Variants in XRRA1 observed in about 807,000 individuals in gnomAD.
The protein encoded by XRRA1 is X-ray radiation resistance-associated protein 1.
In XRRA1, 69 loss-of-function variants were observed where a neutral mutation model predicts 80.2. The ratio of observed to expected loss-of-function variants is 0.86; its 90% CI spans 0.71 to 1.05. The LOEUF is 1.05. Ranked by LOEUF, XRRA1 falls within the 50% of genes least tolerant of loss-of-function variation. The probability of loss-of-function intolerance (pLI) is 0.00; values close to 1 mark genes in which losing one functional copy is unlikely to be tolerated. For missense variants in XRRA1, 967 were observed against 976.4 expected (o/e 0.99, Z 0.13); for synonymous variants, 348 against 389.9 (o/e 0.89, Z 1.27).
At chr11:74,859,591 C>T (rs1565250464) in intron 11 of XRRA1, among the ~76,000 whole-genome samples, 1 of 152,224 alleles carries the variant, frequency 6.6e-6, no homozygotes, top group East Asian at 1.9e-4. Context: ...TGGTCCCCAC[C>T]CCCTCCCTCT....
chr11:74,906,972 A>C, intron 9 of XRRA1, 173 bp downstream of exon 9: 1 of 802,058 alleles, frequency 1.2e-6, no homozygotes, highest in South Asian at 2.0e-5. Context: ...GGCCATTTTT[A>C]TGGAGGAGCC....
chr11:74,946,437 T>C (rs1249447878), intron 1 of XRRA1, among the ~76,000 whole-genome samples: 2 of 152,226 alleles, frequency 1.3e-5, no homozygotes, highest in African/African-American at 4.8e-5. Context: ...CTGATGGTTT[T>C]ATAACTGACA....
At chr11:74,887,950 G>A (rs559327968) in intron 10 of XRRA1, among the ~76,000 whole-genome samples, 44 of 152,240 alleles carry the variant, frequency 2.9e-4, no homozygotes, top group African/African-American at 8.7e-4. Context: ...AGAGCCCGCC[G>A]CAACTCAAGG....
At chr11:74,882,358 C>T (rs1291256515) in intron 10 of XRRA1, among the ~76,000 whole-genome samples, 1 of 150,920 alleles carries the variant, frequency 6.6e-6, no homozygotes, top group Non-Finnish European at 1.5e-5. Context: ...TTTTCAGCTC[C>T]ATCAGCTCCT....
At chr11:74,941,825 T>C (rs1380033545) in intron 2 of XRRA1, among the ~76,000 whole-genome samples, 1 of 150,382 alleles carries the variant, frequency 6.6e-6, no homozygotes, top group South Asian at 2.1e-4. Context: ...AAAAGAAGGA[T>C]GGACAGAAAA....
intron 4 of XRRA1, among the ~76,000 whole-genome samples, chr11:74,935,415 A>C (rs1460886808): frequency 6.6e-6 from 1 of 152,208 alleles, no homozygotes; most frequent in Admixed American, 6.5e-5. Context: ...TTTTATGTGA[A>C]ATAAAAGCAT....
At chr11:74,889,958 T>C (rs1023471832) in intron 10 of XRRA1, among the ~76,000 whole-genome samples, 15 of 152,144 alleles carry the variant, frequency 9.9e-5, no homozygotes, top group Non-Finnish European at 1.5e-4. Flanking sequence ...AATGGGAGAC[T>C]TTAACACCCC....
chr11:74,880,331 T>C (rs1272793397), intron 10 of XRRA1, among the ~76,000 whole-genome samples: 5 of 152,244 alleles, frequency 3.3e-5, no homozygotes, highest in Admixed American at 1.3e-4. Flanking sequence ...TCATTTTTTA[T>C]TGCATCTATT....
intron 2 of XRRA1, among the ~76,000 whole-genome samples, chr11:74,941,864 G>C (rs1946395435): frequency 6.6e-6 from 1 of 152,086 alleles, no homozygotes; most frequent in Non-Finnish European, 1.5e-5. Flanking sequence ...GGACAGTAGA[G>C]AAAAAGAGGA....
At chr11:74,918,334 A>G in intron 8 of XRRA1, among the ~76,000 whole-genome samples, 1 of 142,310 alleles carries the variant, frequency 7.0e-6, no homozygotes, top group East Asian at 1.9e-4. Context: ...GTGCACTCGC[A>G]TGCACACTTA....
At chr11:74,890,290 C>T (rs1185237343) in intron 10 of XRRA1, among the ~76,000 whole-genome samples, 2 of 152,206 alleles carry the variant, frequency 1.3e-5, no homozygotes, top group Admixed American at 1.3e-4. Context: ...ACAACCTGCT[C>T]CTGAATGACT....
intron 5 of XRRA1, 90 bp from the exon 6 acceptor site, chr11:74,930,462 A>G: frequency 2.0e-6 from 2 of 989,506 alleles, no homozygotes; most frequent in South Asian, 3.0e-5. Context: ...CCACTGTCAG[A>G]AGAAACAAAG....
At chr11:74,930,259 C>T in intron 6 of XRRA1, 41 bp downstream of exon 6, 1 of 1,474,342 alleles carries the variant, frequency 6.8e-7, no homozygotes, top group Non-Finnish European at 9.3e-7. Context: ...GCTGTGCTGG[C>T]TAAGAGGAGG....
chr11:74,944,298 C>A (rs1947038003), intron 2 of XRRA1, among the ~76,000 whole-genome samples: 1 of 152,112 alleles, frequency 6.6e-6, no homozygotes, highest in Admixed American at 6.5e-5. Flanking sequence ...ACATGTGAGC[C>A]AAGTGAAGGA....
chr11:74,898,739 C>G (rs2052950256), intron 10 of XRRA1, among the ~76,000 whole-genome samples: 5 of 152,016 alleles, frequency 3.3e-5, no homozygotes, highest in Admixed American at 3.3e-4. Flanking sequence ...AATATATATG[C>G]ACCCACCACT....
chr11:74,888,602 G>A (rs552795948), intron 10 of XRRA1, among the ~76,000 whole-genome samples: 5 of 152,258 alleles, frequency 3.3e-5, no homozygotes, highest in South Asian at 4.1e-4. Context: ...AGAAGGCTTC[G>A]GACGATCGAA....
At chr11:74,906,126 A>G in intron 10 of XRRA1, 113 bp downstream of exon 10, 3 of 987,838 alleles carry the variant, frequency 3.0e-6, no homozygotes, top group Non-Finnish European at 3.0e-6. Flanking sequence ...ACAAAGAATC[A>G]GCAAATTCAA....
intron 10 of XRRA1, among the ~76,000 whole-genome samples, chr11:74,888,728 C>T (rs1425159167): frequency 6.6e-6 from 1 of 152,160 alleles, no homozygotes; most frequent in Admixed American, 6.5e-5. Flanking sequence ...CTTAAAGGAC[C>T]TGATGGAGCT....
chr11:74,856,945 G>C (rs1398372463), intron 12 of XRRA1, among the ~76,000 whole-genome samples: 1 of 152,120 alleles, frequency 6.6e-6, no homozygotes, highest in Non-Finnish European at 1.5e-5. Flanking sequence ...GCACATTAGA[G>C]GTCTCCTACT....
Sources: gnomAD v4.1 joint callset for allele counts (sites outside exome capture counted in the v4.1 genomes callset) on GRCh38, gnomAD v4.1.1 for gene constraint, MANE v1.5 for transcripts, NCBI Gene and HGNC (gene_info 2026-07-23, HGNC 2026-07-21) for gene names.